The following DCC variants were observed in gnomAD, a reference collection of about 807,000 sequenced individuals.
The protein encoded by DCC is netrin receptor DCC.
In DCC, 58 loss-of-function variants were observed where a neutral mutation model predicts 172.5. The ratio of observed to expected loss-of-function variants is 0.34; its 90% CI spans 0.27 to 0.42. The LOEUF is 0.42. Among genes scored for constraint, DCC ranks in the 10% least tolerant of loss-of-function variants. The pLI is 1.00. For missense variants in DCC, 1,740 were observed against 1,791.0 expected, an observed-to-expected ratio of 0.97 and a Z score of 0.51; for synonymous variants, 709 against 644.5, an observed-to-expected ratio of 1.10 and a Z score of -1.52.
chr18:53,474,009 C>T lies in DCC; in HGVS notation c.3736+5999C>T, dbSNP rs2045730870. ...ACATGAATGGAACCCATAAAATTAC[C>T]AGAAATTAATTTTTGTTATTTTTGT... On this transcript the variant is annotated intron_variant, in intron 25 of 28. Coordinates refer to ENST00000442544, the MANE Select transcript of DCC (RefSeq NM_005215.4). Among the ~76,000 whole-genome samples, 3 of 144,844 alleles carry T rather than the reference C, an allele frequency of 2.1e-5. No homozygotes were observed. In the South Asian group the frequency reaches 7.2e-4, roughly 35 times the overall value.
At chr18:52,823,439 T>G (rs888610510) in intron 2 of DCC, among the ~76,000 whole-genome samples, 2 of 152,206 alleles carry the variant, frequency 1.3e-5, no homozygotes, top group Non-Finnish European at 2.9e-5. Flanking sequence ...ATTAATAGTG[T>G]GATCTATGAT....
chr18:52,422,953 C>T (rs1380867590), intron 1 of DCC, among the ~76,000 whole-genome samples: 1 of 152,158 alleles, frequency 6.6e-6, no homozygotes, highest in Admixed American at 6.6e-5. Context: ...CTTCAATTTG[C>T]AGACCTGTGT....
chr18:52,714,609 C>A (rs1349348745), intron 1 of DCC, among the ~76,000 whole-genome samples: 1 of 152,112 alleles, frequency 6.6e-6, no homozygotes, highest in Admixed American at 6.6e-5. Context: ...TTTGGATAAG[C>A]ATCTCATCCA....
At chr18:52,367,034 C>G (rs1984898227) in intron 1 of DCC, among the ~76,000 whole-genome samples, 1 of 152,206 alleles carries the variant, frequency 6.6e-6, no homozygotes, top group Admixed American at 6.5e-5. Context: ...GGCTACAGGT[C>G]CCGAGCCCTG....
At chr18:52,419,986 C>G (rs1296507334) in intron 1 of DCC, among the ~76,000 whole-genome samples, 1 of 152,110 alleles carries the variant, frequency 6.6e-6, no homozygotes, top group Non-Finnish European at 1.5e-5. Context: ...GACTGAGTGA[C>G]TTTTCTAATG....
chr18:52,573,998 A>G (rs1245685953), intron 1 of DCC, among the ~76,000 whole-genome samples: 1 of 152,144 alleles, frequency 6.6e-6, no homozygotes, highest in African/African-American at 2.4e-5. Context: ...AACCACATGC[A>G]TAGCCAGAAA....
intron 5 of DCC, among the ~76,000 whole-genome samples, chr18:52,963,915 AT>A (rs2040886746): frequency 6.6e-6 from 1 of 151,996 alleles, no homozygotes; most frequent in South Asian, 2.1e-4. Flanking sequence ...TTCACAAAAC[AT>A]TTTATTTAGT....
chr18:53,270,513 G>T (rs2056737035), intron 12 of DCC, among the ~76,000 whole-genome samples: 2 of 151,990 alleles, frequency 1.3e-5, no homozygotes, highest in Admixed American at 6.6e-5. Context: ...TGACGGTTTT[G>T]GAAAATTGTT....
intron 5 of DCC, among the ~76,000 whole-genome samples, chr18:53,011,195 T>C (rs991333971): frequency 1.3e-5 from 2 of 151,618 alleles, no homozygotes; most frequent in Non-Finnish European, 3.0e-5. Flanking sequence ...TTTTGATAAA[T>C]TGTTGTGTTT....
rs544133240 is a variant in DCC, at chr18:53,027,885, A to C, written c.986-35420A>C. The stretch of plus-strand genomic sequence containing the variant: ...CCAAGGGGAGACAGTGGCATTATAA[A>C]GGGAGGAAGTACTGGATTCATATGA... On this transcript the variant is annotated intron_variant, in intron 5 of 28. Transcript: ENST00000442544. Among the ~76,000 whole-genome samples, 8 of 152,190 alleles carry C rather than the reference A, an allele frequency of 5.3e-5. No individual in the cohort carries two copies. In the East Asian group the frequency reaches 1.5e-3, roughly 29 times the overall value.
intron 7 of DCC, among the ~76,000 whole-genome samples, chr18:53,139,400 G>A (rs1025658333): frequency 6.6e-6 from 1 of 152,062 alleles, no homozygotes; most frequent in African/African-American, 2.4e-5. Flanking sequence ...GAGGAAATAG[G>A]GTCAAAGGAA....
chr18:53,090,698 CAAAAAAAA>C (rs59898050), intron 7 of DCC, among the ~76,000 whole-genome samples: 92 of 39,348 alleles, frequency 2.3e-3, no homozygotes, highest in South Asian at 6.8e-3. Flanking sequence ...CGTCCCCCAA[CAAAAAAAA>C]AAAAAAAAAA....
intron 1 of DCC, among the ~76,000 whole-genome samples, chr18:52,491,144 T>C (rs1320634329): frequency 6.6e-6 from 1 of 152,098 alleles, no homozygotes; most frequent in Non-Finnish European, 1.5e-5. Context: ...CTAAGTTTTT[T>C]CCTCTTTTCT....
chr18:53,129,688 T>G (rs73957097), intron 7 of DCC, among the ~76,000 whole-genome samples: 2,476 of 152,254 alleles, frequency 0.016, 80 homozygotes, highest in African/African-American at 0.057. Context: ...CTGAGTAGTA[T>G]TCAATTACAT....
At chr18:53,462,773 G>A (rs1434582293) in intron 24 of DCC, among the ~76,000 whole-genome samples, 1 of 152,062 alleles carries the variant, frequency 6.6e-6, no homozygotes, top group Admixed American at 6.6e-5. Context: ...ATGAAGTCCA[G>A]GCTTACCACC....
At chr18:52,974,532 A>T (rs565243027) in intron 5 of DCC, among the ~76,000 whole-genome samples, 1 of 152,296 alleles carries the variant, frequency 6.6e-6, no homozygotes, top group African/African-American at 2.4e-5. Context: ...ATGAATTTAT[A>T]AAAAAAGAGT....
At chr18:53,527,173 GAAAT>G in intron 28 of DCC, among the ~76,000 whole-genome samples, 1 of 127,750 alleles carries the variant, frequency 7.8e-6, no homozygotes, top group Admixed American at 7.8e-5. Flanking sequence ...GGCATTCTTG[GAAAT>G]AAATAAGACT....
At chr18:52,398,917 TA>T (rs1986334807) in intron 1 of DCC, among the ~76,000 whole-genome samples, 3 of 151,926 alleles carry the variant, frequency 2.0e-5, no homozygotes. Context: ...CTAAAGAACT[TA>T]CTCATGTAAC....
chr18:52,406,859 A>G lies in DCC; in HGVS notation c.91+65981A>G, dbSNP rs200291384. Among the ~76,000 whole-genome samples the G allele has an allele frequency of 1.2e-4, 18 of 152,160 alleles. 1 individual carries two copies. In the East Asian group the frequency reaches 3.5e-3, roughly 29 times the overall value. Reference sequence around the variant, plus strand: ...GTATGATATAAGACAGTCTGAACTAATGATTATTTGTTTTCCTTTTAATAA... The same window carrying G: ...GTATGATATAAGACAGTCTGAACTAGTGATTATTTGTTTTCCTTTTAATAA... On this transcript the variant is annotated intron_variant, in intron 1 of 28. Coordinates refer to ENST00000442544, the MANE Select transcript of DCC (RefSeq NM_005215.4).
Sources: gnomAD v4.1 joint callset for allele counts (sites outside exome capture counted in the v4.1 genomes callset) on GRCh38, gnomAD v4.1.1 for gene constraint, MANE v1.5 for transcripts, NCBI Gene and HGNC (gene_info 2026-07-23, HGNC 2026-07-21) for gene names.